MGLL: variants seen among roughly 807,000 people sequenced by gnomAD.
The protein encoded by MGLL is lysophospholipase homolog.
In MGLL, 7 loss-of-function variants were observed where a neutral mutation model predicts 29.1. The observed-to-expected ratio is 0.24, with a 90% confidence interval of 0.14 to 0.45. MGLL has a LOEUF of 0.45. Among genes scored for constraint, MGLL ranks in the 20% least tolerant of loss-of-function variants. The pLI is 0.99. For missense variants in MGLL, 356 were observed against 413.6 expected (o/e 0.86, Z 1.21); for synonymous variants, 148 against 168.3 (o/e 0.88, Z 0.93).
In MGLL at chr3:127,807,750, CTTTTTTTTTTTTTTTT is replaced by C. The variant is rs35444871; in HGVS notation, c.155+13928_155+13943del. The stretch of plus-strand genomic sequence containing the variant: ...CTAATTTAGACATGCTGTGAAAAGT[CTTTTTTTTTTTTTTTT>C]TTTTTTTTTTTTTGAGATGGAGTCT... On this transcript the variant is annotated intron_variant, in intron 2 of 7. Transcript: ENST00000265052. 3.0e-4 allele frequency among the ~76,000 whole-genome samples: 18 copies of C among 59,468 alleles called. No homozygotes were observed. The Admixed American group carries it at 4.2e-3, about 14-fold the overall frequency. 39.0% of individuals were successfully genotyped at this position (59,468 alleles called of 152,430 possible). A position where few individuals can be genotyped will look rare whatever the true frequency, so the allele number is the denominator to read the frequency against.
At chr3:127,752,807 C>A (rs1398981296) in intron 3 of MGLL, among the ~76,000 whole-genome samples, 1 of 152,184 alleles carries the variant, frequency 6.6e-6, no homozygotes, top group African/African-American at 2.4e-5. Flanking sequence ...CGCTCTCAGG[C>A]TGCCTCCTTA....
intron 3 of MGLL, among the ~76,000 whole-genome samples, chr3:127,728,076 C>T (rs1453403099): frequency 1.3e-5 from 2 of 152,068 alleles, no homozygotes; most frequent in Non-Finnish European, 2.9e-5. Flanking sequence ...AATTTCTTTC[C>T]ATTTGTAGGT....
intron 3 of MGLL, among the ~76,000 whole-genome samples, chr3:127,724,257 T>G (rs1197044572): frequency 6.6e-6 from 1 of 152,214 alleles, no homozygotes; most frequent in Non-Finnish European, 1.5e-5. Context: ...TACTCCACTT[T>G]CTGCTTCTAT....
intron 6 of MGLL, among the ~76,000 whole-genome samples, chr3:127,706,039 G>T (rs114527350): frequency 5.0e-4 from 76 of 152,256 alleles, no homozygotes; most frequent in African/African-American, 1.7e-3. Flanking sequence ...TGGCAGCATG[G>T]TTCCTCCAAA....
chr3:127,807,962 ATGT>A (rs975973238), intron 2 of MGLL, among the ~76,000 whole-genome samples: 3 of 151,792 alleles, frequency 2.0e-5, no homozygotes, highest in African/African-American at 7.3e-5. Flanking sequence ...CGATTTCACC[ATGT>A]TAGTCAGGAT....
chr3:127,801,386 G>A (rs1172804247), intron 2 of MGLL, among the ~76,000 whole-genome samples: 2 of 151,726 alleles, frequency 1.3e-5, no homozygotes, highest in Non-Finnish European at 2.9e-5. Context: ...TGAGGCTGAG[G>A]CTGGTGGATC....
At chr3:127,699,273 ATCC>A (rs1233656340) in intron 6 of MGLL, among the ~76,000 whole-genome samples, 1 of 152,154 alleles carries the variant, frequency 6.6e-6, no homozygotes, top group African/African-American at 2.4e-5. Flanking sequence ...TACAGCTGCA[ATCC>A]TCAGCTGGGA....
chr3:127,759,352 T>A (rs1321421576), intron 3 of MGLL, among the ~76,000 whole-genome samples: 1 of 152,154 alleles, frequency 6.6e-6, no homozygotes, highest in East Asian at 1.9e-4. Context: ...CTGGCTAACA[T>A]CTCCAACCTC....
In MGLL at chr3:127,761,764, C is replaced by A. The variant is rs2076769415; in HGVS notation, c.262+20025G>T. On this transcript the variant is annotated intron_variant, in intron 3 of 7. Transcript: ENST00000265052. This position sits in a 1 kb window ranked among gnomAD's most constrained non-coding sequence, Gnocchi z 4.6. ...TCGGCTCCTCGCTTCATCGGCCGGGCCCTTGGGACCCCAGCTCTTCAGGGA... is the reference window on the plus strand; with the variant it reads ...TCGGCTCCTCGCTTCATCGGCCGGGACCTTGGGACCCCAGCTCTTCAGGGA... Among the ~76,000 whole-genome samples, 1 of 152,188 alleles carries A rather than the reference C, an allele frequency of 6.6e-6. No individual in the cohort carries two copies. The highest frequency in any genetic ancestry group is 6.5e-5 in the Admixed American group (1 of 15,276).
At chr3:127,814,289 G>A (rs1226098497) in intron 2 of MGLL, among the ~76,000 whole-genome samples, 1 of 152,110 alleles carries the variant, frequency 6.6e-6, no homozygotes, top group Non-Finnish European at 1.5e-5. Flanking sequence ...AACACACAGA[G>A]AACAATGTCA....
At position 127,815,493 on chromosome 3, in the gene MGLL, C is replaced by T. The variant is rs189151061; in HGVS notation, c.155+6201G>A. ...CATCTCCTGCTAACACGCGGTGCTA[C>T]GTCTTTGCCATGACGCGGCCTTCTT... On this transcript the variant is annotated intron_variant, in intron 2 of 7. Transcript: ENST00000265052. 3.1e-3 allele frequency among the ~76,000 whole-genome samples: 475 copies of T among 152,372 alleles called. 3 individuals are homozygous for T. Among genetic ancestry groups the T allele is most frequent in the African/African-American group, 0.01 (434 of 41,590 alleles).
chr3:127,714,809 A>G (rs1056042330), intron 5 of MGLL, among the ~76,000 whole-genome samples: 19 of 152,192 alleles, frequency 1.2e-4, no homozygotes, highest in African/African-American at 3.9e-4. Flanking sequence ...AAACCCATGA[A>G]GGAGACTTCT....
At chr3:127,743,553 C>T (rs567111964) in intron 3 of MGLL, among the ~76,000 whole-genome samples, 7 of 137,526 alleles carry the variant, frequency 5.1e-5, no homozygotes, top group South Asian at 2.3e-4. Flanking sequence ...GGCCATCAGC[C>T]GACACATTCC....
At chr3:127,782,397 A>T (rs2077143296) in intron 2 of MGLL, among the ~76,000 whole-genome samples, 1 of 152,136 alleles carries the variant, frequency 6.6e-6, no homozygotes, top group Admixed American at 6.5e-5. Context: ...ATGGAGCCCA[A>T]ATCCCTGCTC....
At chr3:127,722,753 G>A (rs1023802116) in intron 3 of MGLL, among the ~76,000 whole-genome samples, 187 bp from the exon 4 acceptor site, 1 of 152,158 alleles carries the variant, frequency 6.6e-6, no homozygotes, top group African/African-American at 2.4e-5. Context: ...AGGAAACTGA[G>A]GCACAGAGTG....
chr3:127,749,903 A>G (rs1230315583), intron 3 of MGLL, among the ~76,000 whole-genome samples: 7 of 152,208 alleles, frequency 4.6e-5, no homozygotes, highest in Admixed American at 3.9e-4. Flanking sequence ...CTGGGGACAC[A>G]TGTTCCTAGC....
chr3:127,744,916 G>A (rs57825345), intron 3 of MGLL, among the ~76,000 whole-genome samples: 31,807 of 152,168 alleles, frequency 0.21, 3,969 homozygotes, highest in Admixed American at 0.3. Context: ...TGCTGTCCAC[G>A]TCCTTAAGAT....
At chr3:127,813,988 TTTC>T (rs2077708954) in intron 2 of MGLL, among the ~76,000 whole-genome samples, 1 of 151,930 alleles carries the variant, frequency 6.6e-6, no homozygotes, top group African/African-American at 2.4e-5. Flanking sequence ...CTCTTCTTCC[TTTC>T]TTCTCTCCCT....
At chr3:127,822,660 C>A, upstream of MGLL, 1 of 347,142 alleles carries the variant, frequency 2.9e-6, no homozygotes, top group Non-Finnish European at 5.3e-6. Context: ...CCGCGCACAC[C>A]GAGGCACCTC....
Sources: allele counts gnomAD v4.1 joint callset (sites outside exome capture counted in the v4.1 genomes callset), GRCh38; gene constraint gnomAD v4.1.1; non-coding constraint Gnocchi (gnomAD v3.1); transcripts MANE v1.5; gene names NCBI Gene and HGNC (gene_info 2026-07-23, HGNC 2026-07-21).